FHIT: variants seen among roughly 807,000 people sequenced by gnomAD.
The protein encoded by FHIT is bis(5'-adenosyl)-triphosphatase.
A neutral mutation model predicts 17.9 loss-of-function variants in FHIT; 19 were observed. The ratio of observed to expected loss-of-function variants is 1.06; its 90% confidence interval spans 0.74 to 1.56. The LOEUF is 1.56. FHIT is among the 40% of genes most tolerant of loss of function. The pLI is 0.00. For synonymous variants in FHIT, 81 were observed against 69.7 expected, an observed-to-expected ratio of 1.16 and a Z score of -0.81; for missense variants, 248 against 189.2, an observed-to-expected ratio of 1.31 and a Z score of -1.82.
intron 9 of FHIT, chr3:59,750,487 A>C (rs1031763348): frequency 2.7e-5 from 6 of 224,486 alleles, no homozygotes; most frequent in Non-Finnish European, 5.3e-5. Flanking sequence ...TAGGTAAACT[A>C]AACTAGCTTG....
chr3:60,541,568 G>C (rs1017741122), intron 4 of FHIT, among the ~76,000 whole-genome samples: 7 of 152,162 alleles, frequency 4.6e-5, no homozygotes, highest in African/African-American at 1.7e-4. Context: ...GATTGGTTCG[G>C]GAGTGGACAC....
In FHIT at chr3:60,569,744, TATATA is replaced by T. The variant is rs772663995; in HGVS notation, c.-17-32770_-17-32766del. Reference sequence around the variant, plus strand: ...TTAATACTATATATATATATATATATATATATATATATTTTTTTTTTTTTTAGACA... The same window carrying T: ...TTAATACTATATATATATATATATATTATATATTTTTTTTTTTTTTAGACA... On this transcript the variant is annotated intron_variant, in intron 4 of 9. Coordinates refer to ENST00000492590, the MANE Select transcript of FHIT (RefSeq NM_002012.4). 1.9e-3 allele frequency among the ~76,000 whole-genome samples: 146 copies of T among 76,180 alleles called. 2 individuals carry two copies. Among genetic ancestry groups the T allele is most frequent in the Admixed American group, 4.1e-3 (24 of 5,816 alleles). The allele number at this position is 76,180 out of a possible 152,430, so 50.0% of individuals were successfully genotyped here. A position where few individuals can be genotyped will look rare whatever the true frequency, so the allele number is the denominator to read the frequency against.
intron 5 of FHIT, among the ~76,000 whole-genome samples, chr3:60,168,361 G>C (rs1323503491): frequency 6.6e-6 from 1 of 152,150 alleles, no homozygotes; most frequent in East Asian, 1.9e-4. Flanking sequence ...GCGTCCATGA[G>C]CCCTCTGATT....
intron 1 of FHIT, among the ~76,000 whole-genome samples, chr3:61,209,395 G>C (rs546943616): frequency 6.6e-6 from 1 of 152,104 alleles, no homozygotes; most frequent in African/African-American, 2.4e-5. Context: ...TCTCCTGAAT[G>C]ATATCCTGCA....
intron 3 of FHIT, among the ~76,000 whole-genome samples, chr3:60,916,444 C>A (rs1425302830): frequency 6.6e-6 from 1 of 152,186 alleles, no homozygotes; most frequent in Non-Finnish European, 1.5e-5. Flanking sequence ...TTTCTGCCAA[C>A]TGATCCTTTC....
chr3:60,827,774 C>T (rs1553741442), intron 3 of FHIT, among the ~76,000 whole-genome samples: 2 of 152,224 alleles, frequency 1.3e-5, no homozygotes, highest in African/African-American at 4.8e-5. Flanking sequence ...TCCAGCTCCA[C>T]TGATAGTGAA....
intron 3 of FHIT, among the ~76,000 whole-genome samples, chr3:60,958,966 A>T (rs1709292678): frequency 6.6e-6 from 1 of 152,222 alleles, no homozygotes; most frequent in South Asian, 2.1e-4. Flanking sequence ...AAATGAAGAA[A>T]TGACAGCCAC....
In FHIT at chr3:60,066,979, G is replaced by T. The variant is rs17258709; in HGVS notation, c.104-52827C>A. On this transcript the variant is annotated intron_variant, in intron 5 of 9. Coordinates refer to ENST00000492590, the MANE Select transcript of FHIT (RefSeq NM_002012.4). ...TTAAACCTGTGAATACTGACACAGC[G>T]CTTCATGTTTTGCTAGTCACTCTCA... is the stretch of plus-strand genomic sequence containing the variant. Among the ~76,000 whole-genome samples, 515 of 152,004 alleles carry T rather than the reference G, an allele frequency of 3.4e-3. 2 individuals carry two copies. Among genetic ancestry groups the T allele is most frequent in the Middle Eastern group, 0.027 (8 of 294 alleles).
At chr3:59,860,504 C>A (rs1284657381) in intron 8 of FHIT, among the ~76,000 whole-genome samples, 1 of 152,118 alleles carries the variant, frequency 6.6e-6, no homozygotes, top group African/African-American at 2.4e-5. Flanking sequence ...TAATATAATT[C>A]TTCTGTTATT....
chr3:60,256,391 T>A (rs1705993929), intron 5 of FHIT, among the ~76,000 whole-genome samples: 1 of 152,204 alleles, frequency 6.6e-6, no homozygotes, highest in South Asian at 2.1e-4. Flanking sequence ...TTTCTTAGAA[T>A]CCAGAACTGT....
At chr3:60,066,853 T>C (rs1270307910) in intron 5 of FHIT, among the ~76,000 whole-genome samples, 53 of 151,848 alleles carry the variant, frequency 3.5e-4, no homozygotes, top group Non-Finnish European at 2.9e-4. Flanking sequence ...AGACGGGGTT[T>C]CACCGTGGTC....
intron 5 of FHIT, among the ~76,000 whole-genome samples, chr3:60,050,886 C>T (rs1242204095): frequency 2.0e-5 from 3 of 152,050 alleles, no homozygotes; most frequent in Non-Finnish European, 2.9e-5. Context: ...GTGTAAGGCC[C>T]AGGGGATTAC....
At chr3:61,075,905 C>G (rs1389941672) in intron 2 of FHIT, among the ~76,000 whole-genome samples, 2 of 152,044 alleles carry the variant, frequency 1.3e-5, no homozygotes, top group East Asian at 3.8e-4. Flanking sequence ...TAAATACAAA[C>G]AGCAATAATA....
At chr3:60,718,723 G>T (rs2107958176) in intron 4 of FHIT, among the ~76,000 whole-genome samples, 1 of 152,294 alleles carries the variant, frequency 6.6e-6, no homozygotes, top group Non-Finnish European at 1.5e-5. Context: ...GGAATGTTAA[G>T]AGTTGGGAGA....
At chr3:60,029,928 T>A (rs560678300) in intron 5 of FHIT, among the ~76,000 whole-genome samples, 1 of 150,924 alleles carries the variant, frequency 6.6e-6, no homozygotes, top group African/African-American at 2.5e-5. Context: ...TGTGTGTGTG[T>A]ACAAATGTGA....
At chr3:60,258,580 GA>G (rs1231645952) in intron 5 of FHIT, among the ~76,000 whole-genome samples, 1 of 151,934 alleles carries the variant, frequency 6.6e-6, no homozygotes, top group Non-Finnish European at 1.5e-5. Flanking sequence ...TAGTATAGGG[GA>G]AAAATATATT....
At chr3:60,054,039 G>C (rs923889105) in intron 5 of FHIT, among the ~76,000 whole-genome samples, 2 of 152,108 alleles carry the variant, frequency 1.3e-5, no homozygotes, top group African/African-American at 4.8e-5. Context: ...TATTTATTGA[G>C]AGGAGAACAA....
chr3:60,177,152 A>G (rs1210131111), intron 5 of FHIT, among the ~76,000 whole-genome samples: 1 of 152,074 alleles, frequency 6.6e-6, no homozygotes, highest in Admixed American at 6.5e-5. Context: ...AATTACACAC[A>G]TGCTTCCCAG....
chr3:59,879,737 C>T (rs73100638), intron 8 of FHIT, among the ~76,000 whole-genome samples: 3,317 of 152,214 alleles, frequency 0.022, 45 homozygotes, highest in South Asian at 0.063. Flanking sequence ...GGGATAATCA[C>T]AGCAATTGCT....
Sources: allele counts gnomAD v4.1 joint callset (sites outside exome capture counted in the v4.1 genomes callset), GRCh38; gene constraint gnomAD v4.1.1; transcripts MANE v1.5; gene names NCBI Gene and HGNC (gene_info 2026-07-23, HGNC 2026-07-21).